Variants in TF observed in about 807,000 individuals in gnomAD.
TF encodes the protein transferrin.
In TF, 55 loss-of-function variants were observed where a neutral mutation model predicts 82.4. The ratio of observed to expected loss-of-function variants is 0.67; its 90% CI spans 0.54 to 0.84. The LOEUF (loss-of-function observed/expected upper bound fraction) is 0.84, where lower values mean the gene tolerates loss of function less well. Ranked by LOEUF, TF falls within the 40% of genes least tolerant of loss-of-function variation. The probability of loss-of-function intolerance (pLI) is 0.00; values close to 1 mark genes in which losing one functional copy is unlikely to be tolerated. For synonymous variants in TF, 332 were observed against 332.6 expected (o/e 1.00, Z 0.02); for missense variants, 737 against 868.4 (o/e 0.85, Z 1.90).
At chr3:133,674,318 T>C in the TF span, among the ~76,000 whole-genome samples, 2 of 152,168 alleles carry the variant, frequency 1.3e-5, no homozygotes, top group Non-Finnish European at 2.9e-5. Flanking sequence ...ACTAGTGCGC[T>C]CCGAAGCTGC....
intron 12 of TF, 105 bp downstream of exon 12, chr3:133,766,538 A>G: frequency 6.7e-7 from 1 of 1,482,744 alleles, no homozygotes; most frequent in Non-Finnish European, 9.3e-7. Flanking sequence ...CTCTGGTTCT[A>G]GAGAAGTAGA....
chr3:133,672,422 G>C, the TF span, among the ~76,000 whole-genome samples: 97 of 142,812 alleles, frequency 6.8e-4, 1 homozygote, highest in East Asian at 0.018. Context: ...GAAACCTGCA[G>C]AATGATTTCT....
rs763086171 is a variant in TF, at chr3:133,784,471, A to AAAAAAT, written c.*5853_*5854insAAATAA. 7.1e-4 allele frequency: 75 copies of AAAAAAT among 105,594 alleles called. 1 individual carries two copies. Among genetic ancestry groups the AAAAAAT allele is most frequent in the African/African-American group, 2.4e-3 (63 of 26,604 alleles). The allele number at this position is 105,594 out of a possible 1,614,324, so 6.5% of individuals were successfully genotyped here. A position where few individuals can be genotyped will look rare whatever the true frequency, so the allele number is the denominator to read the frequency against. ...TCTTGTAAATTCCCATTTGTTAAAA[A>AAAAAAT]AATAATAATAATAATAATAATAATA... On this transcript the variant is annotated 3_prime_UTR_variant, in exon 17 of 17. Transcript: ENST00000402696.
chr3:133,725,282 C>G, the TF span, among the ~76,000 whole-genome samples: 2 of 152,180 alleles, frequency 1.3e-5, no homozygotes, highest in African/African-American at 4.8e-5. Flanking sequence ...TTCTTCCTAA[C>G]CATGAGCATG....
At chr3:133,749,420 T>C (rs539553528) in intron 2 of TF, among the ~76,000 whole-genome samples, 2 of 152,258 alleles carry the variant, frequency 1.3e-5, no homozygotes, top group East Asian at 3.9e-4. Flanking sequence ...AACACATTGG[T>C]CCTTACCCTC....
At chr3:133,695,498 TG>T in the TF span, among the ~76,000 whole-genome samples, 1 of 152,138 alleles carries the variant, frequency 6.6e-6, no homozygotes, top group Non-Finnish European at 1.5e-5. Context: ...CACCCACTTT[TG>T]TCTCCCAAAG....
At position 133,793,248 on chromosome 3, in the gene TF, C is replaced by T. The variant is rs1343892697; in HGVS notation, c.*14628C>T. 1 of 152,078 alleles carries T rather than the reference C, an allele frequency of 6.6e-6. No individual in the cohort carries two copies. Among genetic ancestry groups the T allele is most frequent in the Non-Finnish European group, 1.5e-5 (1 of 67,966 alleles). 9.4% of individuals were successfully genotyped at this position (152,078 alleles called of 1,614,324 possible). The stretch of plus-strand genomic sequence containing the variant: ...ATCTATCAACATGGAAAGGTTTTTG[C>T]CTTTTAAAACATTTTTGAGTCATCA... On this transcript the variant is annotated 3_prime_UTR_variant, in exon 17 of 17. Coordinates refer to ENST00000402696, the MANE Select transcript of TF (RefSeq NM_001063.4).
At chr3:133,721,347 C>T in the TF span, among the ~76,000 whole-genome samples, 1 of 152,142 alleles carries the variant, frequency 6.6e-6, no homozygotes, top group East Asian at 1.9e-4. Context: ...TCTTCATTGA[C>T]TCACCAGTGG....
In TF at chr3:133,775,564, G is replaced by C; in HGVS notation, c.1819G>C (p.Val607Leu). ...HLARAPNHAV[V>L]TRKDKEACVH... ...GGCCAGAGCCCCGAATCACGCTGTG[G>C]TCACACGGAAAGATAAGGAAGCTTG... The change falls in exon 15 of 17, where the codon GTC (valine) becomes CTC (leucine). Residue 607 changes from valine (V) to leucine (L), a missense_variant. By Grantham distance (32) the Val-to-Leu change is conservative (BLOSUM62 1). Coordinates refer to ENST00000402696, the MANE Select transcript of TF (RefSeq NM_001063.4). 6.2e-7 allele frequency: 1 copy of C among 1,614,232 alleles called. No individual in the cohort carries two copies. The highest frequency in any genetic ancestry group is 8.5e-7 in the Non-Finnish European group (1 of 1,180,032).
At chr3:133,738,787 C>A in the TF span, among the ~76,000 whole-genome samples, 1 of 152,160 alleles carries the variant, frequency 6.6e-6, no homozygotes, top group Non-Finnish European at 1.5e-5. Context: ...AGGAGAACTA[C>A]AAACCACTGC....
At chr3:133,743,801 G>A (rs373115443), upstream of TF, among the ~76,000 whole-genome samples, 68 of 152,276 alleles carry the variant, frequency 4.5e-4, 2 homozygotes, top group African/African-American at 9.4e-4. Flanking sequence ...GACATGGAGC[G>A]CTGTAATGTT....
chr3:133,662,019 A>G, the TF span: 2 of 152,246 alleles, frequency 1.3e-5, no homozygotes, highest in African/African-American at 4.8e-5. Flanking sequence ...AAGAGCGGAA[A>G]TGTCAAACGT....
chr3:133,778,570 C>T lies in TF; in HGVS notation c.2063-16C>T. The T allele has an allele frequency of 1.2e-6, 2 of 1,612,742 alleles. No individual in the cohort carries two copies. The highest frequency in any genetic ancestry group is 1.7e-6 in the Non-Finnish European group (2 of 1,179,116). Reference sequence around the variant, plus strand: ...GGAAGATTTTGAAAATCCTACCTCTCTGCTCTGCTCCACAGCACTCCTGGA... The same window carrying T: ...GGAAGATTTTGAAAATCCTACCTCTTTGCTCTGCTCCACAGCACTCCTGGA... On this transcript the variant is annotated splice_polypyrimidine_tract_variant and intron_variant, in intron 16 of 16. Transcript: ENST00000402696.
the TF span, chr3:133,704,335 G>A: frequency 1.0e-4 from 23 of 222,486 alleles, no homozygotes; most frequent in East Asian, 4.4e-4. Context: ...GGGAGTGTCC[G>A]TCTCCATTTT....
the TF span, among the ~76,000 whole-genome samples, chr3:133,729,439 C>G: frequency 1.3e-5 from 2 of 152,186 alleles, no homozygotes; most frequent in South Asian, 4.1e-4. Context: ...AGTGAGACTC[C>G]GTGGGCGTAG....
the TF span, chr3:133,699,627 T>A: frequency 1.9e-6 from 1 of 525,232 alleles, no homozygotes; most frequent in South Asian, 1.4e-5. Context: ...GGTCCAGGTA[T>A]CCCCACCTGC....
the TF span, among the ~76,000 whole-genome samples, chr3:133,710,673 G>T: frequency 6.6e-6 from 1 of 152,018 alleles, no homozygotes; most frequent in Admixed American, 6.5e-5. Context: ...ACTTGGGTGC[G>T]GGTCACTCCC....
At chr3:133,727,698 A>G in the TF span, among the ~76,000 whole-genome samples, 1 of 125,040 alleles carries the variant, frequency 8.0e-6, no homozygotes, top group African/African-American at 3.1e-5. Context: ...TCCTGTCATT[A>G]TGATGTTAGC....
chr3:133,727,172 A>T, the TF span, among the ~76,000 whole-genome samples: 1 of 152,170 alleles, frequency 6.6e-6, no homozygotes, highest in Non-Finnish European at 1.5e-5. Flanking sequence ...CTATTAGATC[A>T]GCTTGGTGTA....
Sources: allele counts gnomAD v4.1 joint callset (sites outside exome capture counted in the v4.1 genomes callset), GRCh38; gene constraint gnomAD v4.1.1; transcripts MANE v1.5; gene names NCBI Gene and HGNC (gene_info 2026-07-23, HGNC 2026-07-21).